The following USP28 variants were observed in gnomAD, a reference collection of about 807,000 sequenced individuals.
The protein encoded by USP28 is ubiquitin carboxyl-terminal hydrolase 28.
In USP28, 113 loss-of-function variants were observed where a neutral mutation model predicts 145.0. That is an observed-to-expected ratio of 0.78 (90% CI 0.67 to 0.91). The LOEUF (loss-of-function observed/expected upper bound fraction) is 0.91, where lower values mean the gene tolerates loss of function less well. USP28 is among the 40% of genes least tolerant of loss of function. USP28 has a pLI of 0.00. For synonymous variants in USP28, 447 were observed against 450.9 expected (o/e 0.99, Z 0.11); for missense variants, 1,201 against 1,289.6 (o/e 0.93, Z 1.05).
chr11:113,840,662 A>G (rs1332216278), exon 5 of USP28: 1 of 1,613,696 alleles, frequency 6.2e-7, no homozygotes, highest in Non-Finnish European at 8.5e-7. Flanking sequence ...CCAACCATCA[A>G]CTCTCCTCCA....
chr11:113,862,262 G>A (rs1406734648), intron 1 of USP28, among the ~76,000 whole-genome samples: 1 of 152,188 alleles, frequency 6.6e-6, no homozygotes, highest in Non-Finnish European at 1.5e-5. Flanking sequence ...CAGGAGAATG[G>A]CTTGAACCCA....
chr11:113,848,169 G>T (rs774278405), intron 3 of USP28, among the ~76,000 whole-genome samples: 18 of 152,090 alleles, frequency 1.2e-4, no homozygotes, highest in Admixed American at 6.5e-5. Flanking sequence ...GATCAGTGGG[G>T]AATTACAGTC....
chr11:113,849,428 C>G (rs1016081419), intron 3 of USP28, among the ~76,000 whole-genome samples: 3 of 152,160 alleles, frequency 2.0e-5, no homozygotes, highest in Non-Finnish European at 2.9e-5. Context: ...TGTTGTTTTT[C>G]TAGCAGTGAT....
chr11:113,814,766 G>A (rs967453864), intron 14 of USP28, among the ~76,000 whole-genome samples: 1 of 151,994 alleles, frequency 6.6e-6, no homozygotes, highest in Non-Finnish European at 1.5e-5. Flanking sequence ...TCAAAAGCAT[G>A]GGCCAGACGT....
exon 25 of USP28, chr11:113,799,354 G>C: frequency 1.2e-6 from 2 of 1,614,220 alleles, no homozygotes; most frequent in Non-Finnish European, 1.7e-6. Context: ...TCAAGACGAT[G>C]ATTTCTGCAG....
chr11:113,849,131 G>T (rs1426104369), intron 3 of USP28, among the ~76,000 whole-genome samples: 1 of 152,206 alleles, frequency 6.6e-6, no homozygotes, highest in African/African-American at 2.4e-5. Context: ...AATGGAAATG[G>T]TTTATACAGG....
intron 16 of USP28, among the ~76,000 whole-genome samples, chr11:113,811,827 G>C (rs1248676436): frequency 2.0e-5 from 3 of 151,958 alleles, no homozygotes; most frequent in African/African-American, 7.2e-5. Flanking sequence ...CTATCTACGA[G>C]TAAATTTTAA....
intron 1 of USP28, among the ~76,000 whole-genome samples, chr11:113,858,615 AT>A (rs1229588457): frequency 1.3e-5 from 2 of 151,918 alleles, no homozygotes; most frequent in African/African-American, 2.4e-5. Context: ...GTTTTATTTT[AT>A]TTTAATTTTT....
At chr11:113,844,597 T>C (rs1188129248) in intron 3 of USP28, among the ~76,000 whole-genome samples, 13 of 151,952 alleles carry the variant, frequency 8.6e-5, no homozygotes, top group Non-Finnish European at 1.5e-5. Flanking sequence ...GGGCAGAAAA[T>C]CTGAATTGAC....
intron 18 of USP28, 57 bp from the exon 20 acceptor site, chr11:113,806,641 A>C: frequency 1.6e-6 from 2 of 1,282,894 alleles, no homozygotes; most frequent in Non-Finnish European, 2.2e-6. Context: ...GTTCAGCAGA[A>C]GACTGTATGA....
chr11:113,820,588 T>C (rs1014888038), intron 12 of USP28: 2 of 152,212 alleles, frequency 1.3e-5, no homozygotes, highest in Non-Finnish European at 2.9e-5. Context: ...CCCTGGGACC[T>C]AGGGATAGCA....
chr11:113,864,064 C>A (rs1328989341), intron 1 of USP28, among the ~76,000 whole-genome samples: 1 of 148,844 alleles, frequency 6.7e-6, no homozygotes, highest in Non-Finnish European at 1.5e-5. Flanking sequence ...CATGGTGAAA[C>A]CCCCATCTCT....
chr11:113,843,671 C>CAAAAAAA (rs573054023), intron 3 of USP28, among the ~76,000 whole-genome samples: 1 of 61,936 alleles, frequency 1.6e-5, no homozygotes, highest in African/African-American at 5.8e-5. Context: ...AACTCTATCT[C>CAAAAAAA]AAAAAAAAAA....
At position 113,852,744 on chromosome 11, in the gene USP28, T is replaced by C. The variant is rs567360310; in HGVS notation, c.136-111A>G. 37 of 1,235,040 alleles carry C rather than the reference T, an allele frequency of 3.0e-5. No individual in the cohort carries two copies. In the African/African-American group the frequency reaches 5.2e-4, roughly 17 times the overall value. 76.5% of individuals were successfully genotyped at this position (1,235,040 alleles called of 1,614,324 possible). ...ACACACTGAGTACTTTCAGGCATAATTCTAGGGTAGAATTATGAGACTATG... is the reference window on the plus strand; with the variant it reads ...ACACACTGAGTACTTTCAGGCATAACTCTAGGGTAGAATTATGAGACTATG... On this transcript the variant is annotated intron_variant, in intron 2 of 24. Coordinates refer to ENST00000003302, the Ensembl canonical transcript of USP28.
At chr11:113,809,007 G>C in intron 17 of USP28, 56 bp downstream of exon 17, 1 of 1,563,442 alleles carries the variant, frequency 6.4e-7, no homozygotes, top group Non-Finnish European at 8.7e-7. Context: ...GGGCTGGCTA[G>C]GGGAGTACAG....
chr11:113,812,542 CAA>C (rs776145912), intron 15 of USP28, 38 bp from the exon 16 acceptor site: 3 of 1,560,446 alleles, frequency 1.9e-6, no homozygotes, highest in Admixed American at 1.7e-5. Context: ...TCAGGTGAAG[CAA>C]AGTAATCTGA....
intron 1 of USP28, among the ~76,000 whole-genome samples, chr11:113,860,442 CAAA>C (rs4020501): frequency 1.7e-4 from 23 of 134,546 alleles, no homozygotes; most frequent in Admixed American, 2.2e-4. Flanking sequence ...CCAAGGGAAG[CAAA>C]AAAAAAAAAA....
At chr11:113,808,509 C>A in intron 17 of USP28, 72 bp from the exon 18 acceptor site, 1 of 1,540,444 alleles carries the variant, frequency 6.5e-7, no homozygotes, top group East Asian at 2.3e-5. Context: ...AAAAAGCAAG[C>A]AGAATGTATA....
At chr11:113,837,152 C>T (rs898721800) in intron 5 of USP28, among the ~76,000 whole-genome samples, 1 of 152,188 alleles carries the variant, frequency 6.6e-6, no homozygotes, top group Admixed American at 6.5e-5. Flanking sequence ...GTATTATACA[C>T]ATTTTATTCA....
Sources: gnomAD v4.1 joint callset for allele counts (sites outside exome capture counted in the v4.1 genomes callset) on GRCh38, gnomAD v4.1.1 for gene constraint, MANE v1.5 for transcripts, NCBI Gene and HGNC (gene_info 2026-07-23, HGNC 2026-07-21) for gene names.